The following AUTS2 variants were observed in gnomAD, a reference collection of about 807,000 sequenced individuals.
AUTS2 encodes the protein activator of transcription and developmental regulator AUTS2.
Under a neutral mutation model 112.4 loss-of-function variants are expected in AUTS2, and 17 were observed. That is an observed-to-expected ratio of 0.15 (90% confidence interval 0.10 to 0.23). The LOEUF is 0.23. Among genes scored for constraint, AUTS2 ranks in the 10% least tolerant of loss-of-function variants. The pLI, the probability that AUTS2 is intolerant of heterozygous loss-of-function variation, is 1.00. For missense variants in AUTS2, 1,510 were observed against 1,701.6 expected (o/e 0.89, Z 1.98); for synonymous variants, 751 against 702.7 (o/e 1.07, Z -1.09).
intron 5 of AUTS2, among the ~76,000 whole-genome samples, chr7:70,578,688 GC>G (rs1440620169): frequency 3.9e-4 from 60 of 152,054 alleles, no homozygotes; most frequent in African/African-American, 1.4e-3. Context: ...GAGGAACGAG[GC>G]CTATTCTATA....
At chr7:70,452,753 C>T (rs1030292137) in intron 5 of AUTS2, among the ~76,000 whole-genome samples, 3 of 152,026 alleles carry the variant, frequency 2.0e-5, no homozygotes, top group Non-Finnish European at 4.4e-5. Context: ...CAAGAGAATC[C>T]GCAGGAAATC....
intron 5 of AUTS2, among the ~76,000 whole-genome samples, chr7:70,690,321 G>C (rs1336730709): frequency 6.6e-6 from 1 of 152,182 alleles, no homozygotes; most frequent in Non-Finnish European, 1.5e-5. Context: ...AATAAACCAG[G>C]CATGGTGACA....
chr7:69,893,490 TTGTGTCATTGGG>T (rs1794611791), intron 1 of AUTS2, among the ~76,000 whole-genome samples: 1 of 152,220 alleles, frequency 6.6e-6, no homozygotes. Context: ...CATTATGTCA[TTGTGTCATTGGG>T]GACAGGCAAA....
At chr7:70,301,627 A>C (rs1789218269) in intron 4 of AUTS2, among the ~76,000 whole-genome samples, 1 of 152,156 alleles carries the variant, frequency 6.6e-6, no homozygotes, top group African/African-American at 2.4e-5. Flanking sequence ...CTGTAATCTG[A>C]TAACAAATAA....
In AUTS2 at chr7:70,787,015, C is replaced by G. The variant is rs568686526; in HGVS notation, c.2309-194C>G. The G allele has an allele frequency of 1.6e-4, 109 of 674,856 alleles. No individual in the cohort carries two copies. The African/African-American group carries it at 1.9e-3, about 12-fold the overall frequency. The allele number at this position is 674,856 out of a possible 1,614,324, so 41.8% of individuals were successfully genotyped here. On this transcript the variant is annotated intron_variant, in intron 17 of 18. Coordinates refer to ENST00000342771, the MANE Select transcript of AUTS2 (RefSeq NM_015570.4). ...TTGGTTTTAAAAAGAAAAAAAAAAG[C>G]TGTGAGCTACCTCTCCAGTGTAGGA...
intron 4 of AUTS2, among the ~76,000 whole-genome samples, chr7:70,412,434 A>C (rs923701761): frequency 2.6e-5 from 4 of 152,190 alleles, no homozygotes; most frequent in African/African-American, 9.6e-5. Context: ...ATCCTTGTCA[A>C]GGATCTTCGT....
At chr7:69,773,948 A>G (rs1405319333) in intron 1 of AUTS2, among the ~76,000 whole-genome samples, 1 of 152,216 alleles carries the variant, frequency 6.6e-6, no homozygotes, top group Non-Finnish European at 1.5e-5. Context: ...TTCAGTGGAA[A>G]GTTGTCTGCA....
At chr7:70,469,731 C>G (rs186391977) in intron 5 of AUTS2, among the ~76,000 whole-genome samples, 28 of 152,324 alleles carry the variant, frequency 1.8e-4, no homozygotes, top group Non-Finnish European at 3.2e-4. Flanking sequence ...ACCTCCACCT[C>G]CTGGGTTCAA....
At chr7:70,759,275 C>T (rs1297315500) in intron 6 of AUTS2, among the ~76,000 whole-genome samples, 5 of 152,172 alleles carry the variant, frequency 3.3e-5, no homozygotes, top group Admixed American at 1.3e-4. Context: ...AAAACAAGGA[C>T]GTGACTTCCA....
intron 4 of AUTS2, among the ~76,000 whole-genome samples, chr7:70,205,055 G>A (rs546255158): frequency 3.9e-5 from 6 of 152,164 alleles, no homozygotes; most frequent in Admixed American, 3.9e-4. Context: ...GTTTGGTTGG[G>A]TTTTTAAAAC....
chr7:69,727,547 G>A (rs1037600684), intron 1 of AUTS2, among the ~76,000 whole-genome samples: 1 of 152,096 alleles, frequency 6.6e-6, no homozygotes, highest in African/African-American at 2.4e-5. Flanking sequence ...CTGAGATCGC[G>A]CCACTGCACT....
At chr7:70,576,361 C>T (rs1433625702) in intron 5 of AUTS2, among the ~76,000 whole-genome samples, 1 of 152,198 alleles carries the variant, frequency 6.6e-6, no homozygotes, top group African/African-American at 2.4e-5. Flanking sequence ...TATAACTTCT[C>T]ATTCCTCCCA....
intron 4 of AUTS2, among the ~76,000 whole-genome samples, chr7:70,160,858 T>C (rs938728434): frequency 2.0e-5 from 3 of 152,222 alleles, no homozygotes; most frequent in African/African-American, 7.2e-5. Context: ...TCTTCTTTGA[T>C]GGAGCTGTGA....
chr7:70,226,613 T>C (rs1254869658), intron 4 of AUTS2, among the ~76,000 whole-genome samples: 1 of 152,130 alleles, frequency 6.6e-6, no homozygotes, highest in Admixed American at 6.6e-5. Context: ...CAGACTTGGG[T>C]AACTTGGTTC....
chr7:70,444,373 T>TGTGTGTGTGTGTGAGAGAGA (rs372696006), intron 5 of AUTS2, among the ~76,000 whole-genome samples: 2 of 142,440 alleles, frequency 1.4e-5, no homozygotes, highest in African/African-American at 5.4e-5. Context: ...TGTGTGTGTG[T>TGTGTGTGTGTGTGAGAGAGA]GAGAGAGAGA....
intron 1 of AUTS2, among the ~76,000 whole-genome samples, chr7:69,828,184 A>G (rs968656790): frequency 3.3e-5 from 5 of 152,186 alleles, no homozygotes; most frequent in Non-Finnish European, 4.4e-5. Context: ...TGATTAGTCT[A>G]TTCCAGTCAT....
chr7:69,704,302 G>T (rs1233307986), intron 1 of AUTS2, among the ~76,000 whole-genome samples: 2 of 151,592 alleles, frequency 1.3e-5, no homozygotes, highest in Non-Finnish European at 2.9e-5. Context: ...TTTTGAGACG[G>T]AGTCTCACTC....
chr7:69,883,937 A>T (rs1036845657), intron 1 of AUTS2, among the ~76,000 whole-genome samples: 13 of 152,182 alleles, frequency 8.5e-5, no homozygotes, highest in Non-Finnish European at 1.8e-4. Flanking sequence ...TTTCACTTTC[A>T]TGAATATAAT....
At chr7:70,371,162 C>T (rs12698901) in intron 4 of AUTS2, among the ~76,000 whole-genome samples, 21,227 of 152,044 alleles carry the variant, frequency 0.14, 1,944 homozygotes, top group Non-Finnish European at 0.18. Context: ...CTTGGCAACA[C>T]GAAGTTAGGT....
Sources: allele counts gnomAD v4.1 joint callset (sites outside exome capture counted in the v4.1 genomes callset), GRCh38; gene constraint gnomAD v4.1.1; transcripts MANE v1.5; gene names NCBI Gene and HGNC (gene_info 2026-07-23, HGNC 2026-07-21).